The following THADA variants were observed in gnomAD, a reference collection of about 807,000 sequenced individuals.
THADA encodes the protein tRNA (32-2'-O)-methyltransferase regulator THADA.
A neutral mutation model predicts 219.8 loss-of-function variants in THADA; 213 were observed. The ratio of observed to expected loss-of-function variants is 0.97; its 90% confidence interval spans 0.87 to 1.09. The LOEUF is 1.09. Ranked by LOEUF, THADA falls within the 50% of genes least tolerant of loss-of-function variation. The probability of loss-of-function intolerance (pLI) is 0.00; values close to 1 mark genes in which losing one functional copy is unlikely to be tolerated. For missense variants in THADA, 2,956 were observed against 2,311.3 expected, an observed-to-expected ratio of 1.28 and a Z score of -5.72; for synonymous variants, 1,018 against 828.9, an observed-to-expected ratio of 1.23 and a Z score of -3.92.
At chr2:43,417,446 G>C (rs986451061) in intron 28 of THADA, among the ~76,000 whole-genome samples, 2 of 152,040 alleles carry the variant, frequency 1.3e-5, no homozygotes, top group Non-Finnish European at 2.9e-5. Context: ...TGTTTCTCAA[G>C]AATCTCAAAA....
At chr2:43,382,142 C>T (rs893720935) in intron 29 of THADA, among the ~76,000 whole-genome samples, 7 of 152,000 alleles carry the variant, frequency 4.6e-5, no homozygotes, top group African/African-American at 7.3e-5. Context: ...TAAGGAGATA[C>T]GACATCTAAA....
At chr2:43,523,037 T>C (rs1350816833) in intron 22 of THADA, among the ~76,000 whole-genome samples, 2 of 152,120 alleles carry the variant, frequency 1.3e-5, no homozygotes, top group Non-Finnish European at 2.9e-5. Context: ...TGAGAAATAG[T>C]GTCTTATTTA....
chr2:43,585,559 G>A (rs1700925292), intron 7 of THADA, among the ~76,000 whole-genome samples: 1 of 150,800 alleles, frequency 6.6e-6, no homozygotes, highest in Non-Finnish European at 1.5e-5. Flanking sequence ...TAGATAGATA[G>A]ATAGATAGAT....
chr2:43,549,136 A>C, intron 20 of THADA, 74 bp downstream of exon 20: 1 of 1,265,876 alleles, frequency 7.9e-7, no homozygotes, highest in Non-Finnish European at 1.1e-6. Context: ...CTAATTTACC[A>C]TATAAAAAGG....
intron 26 of THADA, among the ~76,000 whole-genome samples, chr2:43,459,629 T>G (rs2104923789): frequency 6.6e-6 from 1 of 152,296 alleles, no homozygotes; most frequent in Admixed American, 6.5e-5. Flanking sequence ...AATGCCTGGG[T>G]CCTGGCTGGT....
intron 28 of THADA, among the ~76,000 whole-genome samples, chr2:43,423,457 G>A (rs1678000424): frequency 6.7e-6 from 1 of 149,218 alleles, no homozygotes; most frequent in Non-Finnish European, 1.5e-5. Flanking sequence ...TTTTGAGACG[G>A]AGTCTTGCTC....
chr2:43,395,949 G>C (rs769872931), intron 29 of THADA, among the ~76,000 whole-genome samples: 109 of 152,160 alleles, frequency 7.2e-4, no homozygotes, highest in Non-Finnish European at 1.2e-3. Context: ...TGGAGATGGA[G>C]TTTCGCCATG....
intron 28 of THADA, among the ~76,000 whole-genome samples, chr2:43,400,866 A>C (rs1253132296): frequency 1.3e-5 from 2 of 152,150 alleles, no homozygotes; most frequent in African/African-American, 4.8e-5. Flanking sequence ...CCATGTGGTG[A>C]ATTCTGTGCT....
intron 30 of THADA, among the ~76,000 whole-genome samples, chr2:43,336,974 G>A (rs1235763223): frequency 6.6e-6 from 1 of 152,206 alleles, no homozygotes; most frequent in Non-Finnish European, 1.5e-5. Flanking sequence ...GAGCCTGGTG[G>A]TGCCAGATCT....
At chr2:43,511,083 T>C (rs72865288) in intron 22 of THADA, among the ~76,000 whole-genome samples, 166 of 152,250 alleles carry the variant, frequency 1.1e-3, no homozygotes, top group African/African-American at 3.8e-3. Flanking sequence ...TAAAGAGTAC[T>C]TGATCTAATA....
At chr2:43,344,791 C>T (rs1667456671) in intron 29 of THADA, among the ~76,000 whole-genome samples, 1 of 149,158 alleles carries the variant, frequency 6.7e-6, no homozygotes, top group Non-Finnish European at 1.5e-5. Context: ...AGCAGATCTT[C>T]CCTTCGATGT....
At position 43,571,843 on chromosome 2, in the gene THADA, C is replaced by A. The variant is rs1383014268; in HGVS notation, c.1928G>T (p.Gly643Val). ...GCTCCGATTACTTTCACAAAGCAAG[C>A]CTAATGTATCTATCCTTACCTAAAA... is the stretch of plus-strand genomic sequence containing the variant. ...QHCQVRIDTL[G>V]LLCESNRSTE... The change falls in exon 13 of 38, where the codon GGC becomes GTC. Residue 643 changes from glycine (G) to valine (V), a missense_variant. By Grantham distance (109) the Gly-to-Val change is moderately radical (BLOSUM62 -3). Transcript: ENST00000405975. 1 of 1,613,612 alleles carries A rather than the reference C, an allele frequency of 6.2e-7. No individual in the cohort carries two copies. Among genetic ancestry groups the A allele is most frequent in the African/African-American group, 1.3e-5 (1 of 74,898 alleles).
At chr2:43,524,425 C>G in intron 22 of THADA, among the ~76,000 whole-genome samples, 1 of 152,210 alleles carries the variant, frequency 6.6e-6, no homozygotes, top group South Asian at 2.1e-4. Flanking sequence ...TCTTTAAGTG[C>G]TTCCTTCCTT....
chr2:43,594,337 T>C (rs566420117), intron 1 of THADA, among the ~76,000 whole-genome samples: 170 of 152,268 alleles, frequency 1.1e-3, no homozygotes, highest in Middle Eastern at 3.4e-3. Context: ...CCCAGCACTT[T>C]GGGAGGCCGA....
chr2:43,273,270 C>CAACAA (rs1159956117), intron 36 of THADA, among the ~76,000 whole-genome samples: 76 of 115,932 alleles, frequency 6.6e-4, no homozygotes, highest in African/African-American at 2.4e-3. Context: ...ACAACAACAA[C>CAACAA]AAAAAAAAAA....
chr2:43,344,059 A>G, intron 30 of THADA, 63 bp downstream of exon 30: 1 of 1,183,658 alleles, frequency 8.4e-7, no homozygotes, highest in South Asian at 1.3e-5. Context: ...AACTAGAAAC[A>G]GCAATTCTCA....
chr2:43,257,769 T>A (rs1396999641), intron 36 of THADA, among the ~76,000 whole-genome samples: 1 of 152,236 alleles, frequency 6.6e-6, no homozygotes, highest in Admixed American at 6.5e-5. Flanking sequence ...TAAAACCTTA[T>A]TTAGTAATTA....
rs550518427 is a variant in THADA at position 43,333,989 on chromosome 2, T to A, written c.4343+10133A>T. Among the ~76,000 whole-genome samples the A allele has an allele frequency of 1.3e-3, 199 of 152,312 alleles. 1 individual carries two copies. The highest frequency in any genetic ancestry group is 4.5e-3 in the African/African-American group (188 of 41,556). ...TTTGGTGGTGAGAAAATAAATGCTGTTTTCAGCTGTTGTAAAGCAAAATAG... is the reference window on the plus strand; with the variant it reads ...TTTGGTGGTGAGAAAATAAATGCTGATTTCAGCTGTTGTAAAGCAAAATAG... On this transcript the variant is annotated intron_variant, in intron 30 of 37. Transcript: ENST00000405975.
chr2:43,460,424 A>G (rs1683497233), intron 26 of THADA, among the ~76,000 whole-genome samples: 1 of 152,052 alleles, frequency 6.6e-6, no homozygotes. Flanking sequence ...CATTTTCTGG[A>G]CAGAACTGGG....
Sources: gnomAD v4.1 joint callset for allele counts (sites outside exome capture counted in the v4.1 genomes callset) on GRCh38, gnomAD v4.1.1 for gene constraint, MANE v1.5 for transcripts, NCBI Gene and HGNC (gene_info 2026-07-23, HGNC 2026-07-21) for gene names.